The following CCDC171 variants were observed in gnomAD, a reference collection of about 807,000 sequenced individuals.
CCDC171 encodes the protein coiled-coil domain-containing protein 171.
In CCDC171, 177 loss-of-function variants were observed where a neutral mutation model predicts 168.2. That is an observed-to-expected ratio of 1.05 (90% CI 0.93 to 1.19). The LOEUF is 1.19. CCDC171 is among the 50% of genes most tolerant of loss of function. The probability of loss-of-function intolerance (pLI) is 0.00; values close to 1 mark genes in which losing one functional copy is unlikely to be tolerated. For missense variants in CCDC171, 1,991 were observed against 1,539.0 expected (o/e 1.29, Z -4.91); for synonymous variants, 687 against 540.8 (o/e 1.27, Z -3.75).
At chr9:15,851,454 G>C (rs1004355562) in intron 23 of CCDC171, among the ~76,000 whole-genome samples, 24 of 151,782 alleles carry the variant, frequency 1.6e-4, no homozygotes, top group African/African-American at 5.8e-4. Context: ...CAAGTTATTG[G>C]AGATAAGAAA....
At chr9:15,741,633 CCTTA>C (rs1282191551) in intron 16 of CCDC171, among the ~76,000 whole-genome samples, 5 of 151,812 alleles carry the variant, frequency 3.3e-5, no homozygotes, top group African/African-American at 1.2e-4. Context: ...TATATTTTAA[CCTTA>C]CTGACTTTTT....
chr9:16,092,285 A>C, the CCDC171 span, among the ~76,000 whole-genome samples: 2 of 152,204 alleles, frequency 1.3e-5, no homozygotes, highest in South Asian at 4.1e-4. Context: ...CCTGACTCTC[A>C]AATGAGTTCA....
intron 25 of CCDC171, among the ~76,000 whole-genome samples, chr9:15,920,935 A>C (rs150790037): frequency 3.3e-3 from 503 of 151,178 alleles, no homozygotes; most frequent in African/African-American, 0.012. Context: ...ATTTCAGCCC[A>C]TGATGAAGTT....
intron 24 of CCDC171, chr9:15,885,765 G>C (rs1819313447): frequency 6.6e-6 from 1 of 152,096 alleles, no homozygotes; most frequent in South Asian, 2.1e-4. Context: ...GACAACTTAA[G>C]TGACAGCAGT....
intron 7 of CCDC171, among the ~76,000 whole-genome samples, chr9:15,632,402 G>C (rs1400479978): frequency 1.3e-5 from 2 of 151,808 alleles, no homozygotes; most frequent in Non-Finnish European, 2.9e-5. Context: ...GCCAAATAAT[G>C]AGTGAACTCC....
At chr9:15,874,073 C>T (rs1817532524) in intron 23 of CCDC171, among the ~76,000 whole-genome samples, 2 of 152,018 alleles carry the variant, frequency 1.3e-5, no homozygotes, top group Non-Finnish European at 2.9e-5. Context: ...TTCTAGAGTA[C>T]ATGTTATTGA....
chr9:15,621,928 C>T (rs1056523855), intron 6 of CCDC171, among the ~76,000 whole-genome samples: 1 of 152,138 alleles, frequency 6.6e-6, no homozygotes, highest in African/African-American at 2.4e-5. Context: ...GATATATATA[C>T]ATCATTAAAT....
the CCDC171 span, among the ~76,000 whole-genome samples, chr9:16,067,222 G>A: frequency 6.6e-6 from 1 of 151,974 alleles, no homozygotes; most frequent in Non-Finnish European, 1.5e-5. Flanking sequence ...GTGATGATGA[G>A]CATTTTTTCA....
At chr9:15,585,372 G>A (rs188744145) in intron 4 of CCDC171, among the ~76,000 whole-genome samples, 101 of 152,264 alleles carry the variant, frequency 6.6e-4, no homozygotes, top group Non-Finnish European at 1.2e-3. Context: ...GAAACAATTT[G>A]TGTTATATAA....
intron 7 of CCDC171, chr9:16,035,669 A>G (rs1239863875): frequency 1.3e-5 from 2 of 152,212 alleles, no homozygotes; most frequent in Non-Finnish European, 2.9e-5. Context: ...TTCTGTGAGC[A>G]TGGCTTTATA....
At chr9:15,737,040 CCA>C (rs1178181312) in intron 16 of CCDC171, among the ~76,000 whole-genome samples, 1 of 151,758 alleles carries the variant, frequency 6.6e-6, no homozygotes, top group Non-Finnish European at 1.5e-5. Context: ...TGTCAGCCAC[CCA>C]CAAATGGTAG....
chr9:15,918,436 A>AC (rs1442505833), intron 24 of CCDC171, among the ~76,000 whole-genome samples: 1 of 151,340 alleles, frequency 6.6e-6, no homozygotes, highest in Non-Finnish European at 1.5e-5. Flanking sequence ...CAGAAAAAAA[A>AC]AAAAAACCAG....
At chr9:15,555,853 GC>G (rs1280688809) in intron 1 of CCDC171, among the ~76,000 whole-genome samples, 5 of 151,956 alleles carry the variant, frequency 3.3e-5, no homozygotes, top group African/African-American at 1.2e-4. Flanking sequence ...TCTCTGCCAG[GC>G]CCCGGTGTGT....
downstream of CCDC171, chr9:16,061,683 A>G (rs146536954): frequency 2.7e-4 from 41 of 152,348 alleles, no homozygotes; most frequent in East Asian, 7.1e-3. Flanking sequence ...TGTGCAAAGA[A>G]CTATGCTAAG....
At chr9:15,601,524 G>A (rs963384652) in intron 6 of CCDC171, among the ~76,000 whole-genome samples, 3 of 152,076 alleles carry the variant, frequency 2.0e-5, no homozygotes, top group African/African-American at 7.2e-5. Flanking sequence ...TCATTTACTC[G>A]TTCATTCATT....
chr9:15,936,368 G>A (rs767229544), intron 25 of CCDC171, among the ~76,000 whole-genome samples: 1 of 151,964 alleles, frequency 6.6e-6, no homozygotes, highest in Non-Finnish European at 1.5e-5. Context: ...AGTTTTAAGA[G>A]TTGACATCCT....
chr9:15,601,833 C>A (rs2042876690), intron 6 of CCDC171, among the ~76,000 whole-genome samples: 1 of 152,152 alleles, frequency 6.6e-6, no homozygotes, highest in African/African-American at 2.4e-5. Flanking sequence ...TATTTCTAAA[C>A]ACTCAGCCAG....
intron 1 of CCDC171, among the ~76,000 whole-genome samples, chr9:15,556,360 TG>T (rs1398617849): frequency 2.6e-5 from 4 of 152,152 alleles, no homozygotes; most frequent in Non-Finnish European, 5.9e-5. Context: ...CCACCAACGG[TG>T]TAAAAGTGTT....
At chr9:15,664,290 C>T (rs917973982) in intron 8 of CCDC171, among the ~76,000 whole-genome samples, 2 of 152,122 alleles carry the variant, frequency 1.3e-5, no homozygotes, top group Admixed American at 6.6e-5. Flanking sequence ...GCTCTGTAAC[C>T]CAGGCTGGGG....
Sources: allele counts gnomAD v4.1 joint callset (sites outside exome capture counted in the v4.1 genomes callset), GRCh38; gene constraint gnomAD v4.1.1; transcripts MANE v1.5; gene names NCBI Gene and HGNC (gene_info 2026-07-23, HGNC 2026-07-21).